Variants in IGF2BP3 observed in about 807,000 individuals in gnomAD.
IGF2BP3 encodes the protein insulin like growth factor 2 mRNA binding protein 3, also known as insulin-like growth factor 2 mRNA-binding protein 3.
In IGF2BP3, 9 loss-of-function variants were observed where a neutral mutation model predicts 73.8. The observed-to-expected ratio is 0.12, with a 90% confidence interval of 0.07 to 0.21. The LOEUF is 0.21. Ranked by LOEUF, IGF2BP3 falls within the 10% of genes least tolerant of loss-of-function variation. IGF2BP3 has a pLI of 1.00. For synonymous variants in IGF2BP3, 258 were observed against 256.7 expected (o/e 1.01, Z -0.05); for missense variants, 542 against 714.0 (o/e 0.76, Z 2.75).
At chr7:23,323,255 G>A (rs1187450415) in intron 10 of IGF2BP3, among the ~76,000 whole-genome samples, 1 of 150,822 alleles carries the variant, frequency 6.6e-6, no homozygotes, top group East Asian at 1.9e-4. Context: ...ACAAAAAAAG[G>A]CAGGGGTTGC....
rs779035831 is a variant in IGF2BP3, at chr7:23,319,102, TAAAG to T, written c.1320+32_1320+35del. ...AAGATTCATATTTCTGTAACTTACTTAAAGAACCAGAGAACCACAGCTGGTAGAA... is the reference window on the plus strand; with the variant it reads ...AAGATTCATATTTCTGTAACTTACTTAACCAGAGAACCACAGCTGGTAGAA... On this transcript the variant is annotated intron_variant, in intron 11 of 14. Transcript: ENST00000258729. The T allele has an allele frequency of 1.1e-5, 14 of 1,307,302 alleles. No individual in the cohort carries two copies. The East Asian group carries it at 3.0e-4, about 28-fold the overall frequency. The allele number at this position is 1,307,302 out of a possible 1,614,324, so 81.0% of individuals were successfully genotyped here.
intron 13 of IGF2BP3, 72 bp from the exon 14 acceptor site, chr7:23,312,920 C>A (rs1783872673): frequency 9.1e-6 from 8 of 880,392 alleles, no homozygotes; most frequent in Non-Finnish European, 1.3e-5. Context: ...TTACTGTGCG[C>A]CAGACAGTGA....
intron 3 of IGF2BP3, among the ~76,000 whole-genome samples, chr7:23,390,611 T>C (rs1786241460): frequency 6.6e-6 from 1 of 152,172 alleles, no homozygotes; most frequent in African/African-American, 2.4e-5. Context: ...ATCCCTCACA[T>C]GCCAGCTAGA....
rs1785173857 is a variant in IGF2BP3, at chr7:23,359,553, A to G, written c.401+1981T>C. ...CCAAGTATTCAGTATAAATCTTTGT[A>G]AAGTAAAACATGGCCGGGTGCAGCG... On this transcript the variant is annotated intron_variant, in intron 5 of 14. Transcript: ENST00000258729. Among the ~76,000 whole-genome samples the G allele has an allele frequency of 3.3e-5, 5 of 152,216 alleles. No individual in the cohort carries two copies. The South Asian group carries it at 8.3e-4, about 25-fold the overall frequency.
At chr7:23,435,024 G>A (rs11763165) in intron 2 of IGF2BP3, among the ~76,000 whole-genome samples, 45,938 of 151,792 alleles carry the variant, frequency 0.3, 7,329 homozygotes, top group Middle Eastern at 0.39. Flanking sequence ...GGCCAGGCGT[G>A]GTGGCTCCTG....
chr7:23,384,910 A>G (rs1786034609), intron 3 of IGF2BP3, among the ~76,000 whole-genome samples: 1 of 151,210 alleles, frequency 6.6e-6, no homozygotes, highest in Non-Finnish European at 1.5e-5. Context: ...AAACAAAACA[A>G]AAATATCCTA....
At chr7:23,388,492 C>T (rs548292916) in intron 3 of IGF2BP3, among the ~76,000 whole-genome samples, 2 of 151,862 alleles carry the variant, frequency 1.3e-5, no homozygotes, top group African/African-American at 2.4e-5. Flanking sequence ...CTCAATTAAC[C>T]GAGGAAAAAG....
intron 3 of IGF2BP3, among the ~76,000 whole-genome samples, chr7:23,389,388 G>A (rs979350005): frequency 4.6e-5 from 7 of 151,992 alleles, no homozygotes; most frequent in African/African-American, 7.2e-5. Flanking sequence ...TCTCAAACTC[G>A]TGACCTGGTG....
intron 14 of IGF2BP3, 111 bp from the exon 15 acceptor site, chr7:23,312,571 C>T (rs577347986): frequency 2.1e-6 from 2 of 931,834 alleles, no homozygotes; most frequent in African/African-American, 1.6e-5. Context: ...ATTAAAGATA[C>T]ATACTAGTCA....
chr7:23,435,559 G>A (rs1462393387), intron 2 of IGF2BP3, among the ~76,000 whole-genome samples: 6 of 151,190 alleles, frequency 4.0e-5, no homozygotes, highest in African/African-American at 9.7e-5. Flanking sequence ...GGGTTCAAGC[G>A]ATTCTCCTGC....
At chr7:23,389,157 CCTTTT>C (rs1562719802) in intron 3 of IGF2BP3, among the ~76,000 whole-genome samples, 2 of 117,382 alleles carry the variant, frequency 1.7e-5, no homozygotes, top group African/African-American at 5.2e-5. Context: ...AGAATTATTC[CCTTTT>C]TTTTTTTTTT....
intron 3 of IGF2BP3, among the ~76,000 whole-genome samples, chr7:23,396,912 T>A (rs1047193117): frequency 6.6e-6 from 1 of 152,198 alleles, no homozygotes. Context: ...GGTTCTCACA[T>A]TGACCCTGAA....
intron 2 of IGF2BP3, among the ~76,000 whole-genome samples, chr7:23,446,282 G>C (rs1336390863): frequency 6.6e-6 from 1 of 152,202 alleles, no homozygotes; most frequent in Non-Finnish European, 1.5e-5. Context: ...TAGATGCCCA[G>C]TGTGGTGGCT....
rs764971109 is a variant in IGF2BP3 at position 23,418,804 on chromosome 7, C to T, written c.257G>A (p.Arg86Gln). 2 of 1,581,840 alleles carry T rather than the reference C, an allele frequency of 1.3e-6. No individual in the cohort carries two copies. Among genetic ancestry groups the T allele is most frequent in the South Asian group, 1.1e-5 (1 of 87,050 alleles). Residue 86 changes from arginine (R) to glutamine (Q), a missense_variant, in exon 3 of 15, where the codon CGA (arginine) becomes CAA (glutamine). Physicochemically the swap from Arg to Gln is conservative, Grantham distance 43. Coordinates refer to ENST00000258729, the MANE Select transcript of IGF2BP3 (RefSeq NM_006547.3). ...KRQRIRKLQI[R>Q]NIPPHLQWEV... ...CCACTGTAAATGAGGCGGGATATTT[C>T]GTATCTGAAGTTTCCGAATCCTGCA... is the stretch of plus-strand genomic sequence containing the variant.
chr7:23,340,483 G>C (rs1054160628), intron 10 of IGF2BP3, among the ~76,000 whole-genome samples: 2 of 152,162 alleles, frequency 1.3e-5, no homozygotes, highest in African/African-American at 4.8e-5. Flanking sequence ...CAATTTCAAT[G>C]TCATTTTACT....
At chr7:23,433,840 C>T (rs966276323) in intron 2 of IGF2BP3, among the ~76,000 whole-genome samples, 1 of 151,952 alleles carries the variant, frequency 6.6e-6, no homozygotes, top group African/African-American at 2.4e-5. Flanking sequence ...TTTGGGAGGC[C>T]GAGGCGGGAG....
chr7:23,361,751 G>C lies in IGF2BP3; in HGVS notation c.286-10C>G. 1.3e-6 allele frequency: 2 copies of C among 1,597,764 alleles called. No individual in the cohort carries two copies. The highest frequency in any genetic ancestry group is 1.7e-6 in the Non-Finnish European group (2 of 1,174,008). ...GTAAACTATCCAGCACCTATCAGGA[G>C]GGGGAGAGAAAATTATAAATTTTGA... On this transcript the variant is annotated splice_polypyrimidine_tract_variant and intron_variant, in intron 3 of 14. Coordinates refer to ENST00000258729, the MANE Select transcript of IGF2BP3 (RefSeq NM_006547.3).
intron 2 of IGF2BP3, among the ~76,000 whole-genome samples, chr7:23,440,498 AG>A (rs1168201553): frequency 6.6e-6 from 1 of 152,256 alleles, no homozygotes; most frequent in Non-Finnish European, 1.5e-5. Context: ...CAATCTGTAT[AG>A]GGTATTACAC....
chr7:23,319,961 A>G (rs1411569120), intron 10 of IGF2BP3, among the ~76,000 whole-genome samples: 1 of 152,054 alleles, frequency 6.6e-6, no homozygotes, highest in Non-Finnish European at 1.5e-5. Context: ...CCCAGACTAG[A>G]GTGCAATGGC....
Sources: allele counts gnomAD v4.1 joint callset (sites outside exome capture counted in the v4.1 genomes callset), GRCh38; gene constraint gnomAD v4.1.1; transcripts MANE v1.5; gene names NCBI Gene and HGNC (gene_info 2026-07-23, HGNC 2026-07-21).